Variants in SEMA6D observed in about 807,000 individuals in gnomAD.
SEMA6D encodes the protein semaphorin 6D.
Under a neutral mutation model 106.6 loss-of-function variants are expected in SEMA6D, and 35 were observed. That is an observed-to-expected ratio of 0.33 (90% confidence interval 0.25 to 0.44). The LOEUF (loss-of-function observed/expected upper bound fraction) is 0.44, where lower values mean the gene tolerates loss of function less well. SEMA6D is among the 20% of genes least tolerant of loss of function. The pLI, the probability that SEMA6D is intolerant of heterozygous loss-of-function variation, is 1.00. For synonymous variants in SEMA6D, 499 were observed against 487.7 expected, an observed-to-expected ratio of 1.02 and a Z score of -0.31; for missense variants, 1,185 against 1,345.9, an observed-to-expected ratio of 0.88 and a Z score of 1.87.
intron 4 of SEMA6D, among the ~76,000 whole-genome samples, chr15:47,681,721 C>T (rs1320599635): frequency 6.6e-6 from 1 of 152,176 alleles, no homozygotes; most frequent in Non-Finnish European, 1.5e-5. Context: ...CTCCAGTCCT[C>T]AAATAGCAAT....
intron 2 of SEMA6D, among the ~76,000 whole-genome samples, chr15:47,454,605 A>G (rs74011450): frequency 3.5e-5 from 5 of 144,604 alleles, no homozygotes; most frequent in South Asian, 2.1e-4. Context: ...ATGTGCACAC[A>G]CACACACACA....
In SEMA6D at chr15:47,460,794, G is replaced by A. The variant is rs80324471; in HGVS notation, c.-158-9680G>A. Among the ~76,000 whole-genome samples, 12 of 152,150 alleles carry A rather than the reference G, an allele frequency of 7.9e-5. No homozygotes were observed. The East Asian group carries it at 2.1e-3, about 27-fold the overall frequency. ...GGTAAATGTTATAGATTTGGTAAAC[G>A]TTGCTTATAAGTAACTGAGATGTTT... On this transcript the variant is annotated intron_variant, in intron 2 of 19. Coordinates refer to the SEMA6D transcript ENST00000558014.
intron 4 of SEMA6D, among the ~76,000 whole-genome samples, chr15:47,702,371 A>G (rs2078829480): frequency 6.6e-6 from 1 of 152,232 alleles, no homozygotes; most frequent in African/African-American, 2.4e-5. Context: ...ACAACAAGAA[A>G]TGCTGGAAAG....
At chr15:47,500,151 C>G (rs2043803210) in intron 3 of SEMA6D, among the ~76,000 whole-genome samples, 1 of 152,074 alleles carries the variant, frequency 6.6e-6, no homozygotes, top group Non-Finnish European at 1.5e-5. Context: ...AAATATAAGA[C>G]TTTTACTGGT....
chr15:47,491,041 A>G (rs939712347), intron 3 of SEMA6D, among the ~76,000 whole-genome samples: 10 of 152,160 alleles, frequency 6.6e-5, no homozygotes, highest in Admixed American at 5.9e-4. Flanking sequence ...AGAATTTGGG[A>G]TTATCTCATA....
chr15:47,636,820 A>T (rs112356488), intron 4 of SEMA6D, among the ~76,000 whole-genome samples: 2,177 of 152,282 alleles, frequency 0.014, 53 homozygotes, highest in African/African-American at 0.05. Context: ...TACCCGATGC[A>T]TGTAAATATT....
intron 1 of SEMA6D, among the ~76,000 whole-genome samples, chr15:47,325,382 A>G (rs1661370378): frequency 6.6e-6 from 1 of 152,062 alleles, no homozygotes; most frequent in Non-Finnish European, 1.5e-5. Flanking sequence ...CATGTTGGCC[A>G]GGCTGGTCTC....
chr15:47,528,712 C>T (rs927433709), intron 3 of SEMA6D, among the ~76,000 whole-genome samples: 2 of 152,110 alleles, frequency 1.3e-5, no homozygotes, highest in African/African-American at 4.8e-5. Context: ...TTGCATTAGC[C>T]AGAACTAGGC....
chr15:47,222,305 G>A (rs1281120968), intron 1 of SEMA6D, among the ~76,000 whole-genome samples: 1 of 152,174 alleles, frequency 6.6e-6, no homozygotes, highest in African/African-American at 2.4e-5. Context: ...AGGGACTGTT[G>A]CTTCCTGAGT....
chr15:47,687,728 G>A (rs1020770333), intron 4 of SEMA6D, among the ~76,000 whole-genome samples: 2 of 152,158 alleles, frequency 1.3e-5, no homozygotes, highest in African/African-American at 4.8e-5. Context: ...GCCAGCAGCA[G>A]AGAGAAAAGT....
chr15:47,519,264 G>A (rs1375041068), intron 3 of SEMA6D, among the ~76,000 whole-genome samples: 1 of 152,146 alleles, frequency 6.6e-6, no homozygotes, highest in East Asian at 1.9e-4. Context: ...AGCACAGTAG[G>A]CTTGTTTACA....
chr15:47,626,714 A>C lies in SEMA6D; in HGVS notation c.-55+25818A>C, dbSNP rs188095618. Among the ~76,000 whole-genome samples, 58 of 152,166 alleles carry C rather than the reference A, an allele frequency of 3.8e-4. 1 individual carries two copies. The highest frequency in any genetic ancestry group is 1.2e-3 in the South Asian group (6 of 4,816). ...TTTGTTTCTGAGCTTTTCCTTGTCC[A>C]TTCTGTACTCTTTTAATTTTGAAAT... On this transcript the variant is annotated intron_variant, in intron 4 of 19. Coordinates refer to the SEMA6D transcript ENST00000558014.
At chr15:47,338,286 C>T (rs1159144333) in intron 1 of SEMA6D, among the ~76,000 whole-genome samples, 2 of 152,062 alleles carry the variant, frequency 1.3e-5, no homozygotes, top group Non-Finnish European at 2.9e-5. Flanking sequence ...AGGTTCAGAC[C>T]ACTGTTTGGT....
At chr15:47,631,513 A>G (rs2077292531) in intron 4 of SEMA6D, among the ~76,000 whole-genome samples, 1 of 151,960 alleles carries the variant, frequency 6.6e-6, no homozygotes, top group African/African-American at 2.4e-5. Context: ...TAAGTTAAAT[A>G]TCTTGAAATA....
chr15:47,613,172 C>A (rs188986903), intron 4 of SEMA6D, among the ~76,000 whole-genome samples: 1 of 152,206 alleles, frequency 6.6e-6, no homozygotes, highest in African/African-American at 2.4e-5. Context: ...TCTACCCCCA[C>A]ACATACACCG....
chr15:47,468,988 G>T (rs2141138354), intron 2 of SEMA6D, among the ~76,000 whole-genome samples: 1 of 152,234 alleles, frequency 6.6e-6, no homozygotes, highest in African/African-American at 2.4e-5. Flanking sequence ...AACTCTTGAG[G>T]TCTCTGGGTA....
intron 4 of SEMA6D, among the ~76,000 whole-genome samples, chr15:47,662,977 A>G (rs2077956552): frequency 6.6e-6 from 1 of 152,168 alleles, no homozygotes; most frequent in Non-Finnish European, 1.5e-5. Flanking sequence ...CCAGGAGGAA[A>G]TAGGCTATAC....
intron 1 of SEMA6D, among the ~76,000 whole-genome samples, chr15:47,293,326 T>A (rs536182611): frequency 6.6e-6 from 1 of 152,232 alleles, no homozygotes; most frequent in Admixed American, 6.5e-5. Flanking sequence ...TTGACTGAGG[T>A]TTCTTGGTCT....
chr15:47,348,718 CCACACACACAG>C (rs2038167530), intron 1 of SEMA6D, among the ~76,000 whole-genome samples: 3 of 48,080 alleles, frequency 6.2e-5, no homozygotes, highest in African/African-American at 1.8e-4. Context: ...CACACACACA[CCACACACACAG>C]AGAGAGAGAG....
Sources: gnomAD v4.1 joint callset for allele counts (sites outside exome capture counted in the v4.1 genomes callset) on GRCh38, gnomAD v4.1.1 for gene constraint, MANE v1.5 for transcripts, NCBI Gene and HGNC (gene_info 2026-07-23, HGNC 2026-07-21) for gene names.